Variants in MAPKBP1 observed in about 807,000 individuals in gnomAD.
The protein encoded by MAPKBP1 is mitogen-activated protein kinase binding protein 1, also known as mitogen-activated protein kinase-binding protein 1.
MAPKBP1 carries 71 observed loss-of-function variants against 170.5 expected under a neutral mutation model. That is an observed-to-expected ratio of 0.42 (90% CI 0.34 to 0.51). The LOEUF is 0.51. MAPKBP1 is among the 20% of genes least tolerant of loss of function. The pLI, the probability that MAPKBP1 is intolerant of heterozygous loss-of-function variation, is 0.06. For synonymous variants in MAPKBP1, 719 were observed against 757.9 expected (o/e 0.95, Z 0.84); for missense variants, 1,598 against 1,933.0 (o/e 0.83, Z 3.25).
chr15:41,786,088 C>T (rs1349849061), intron 2 of MAPKBP1, among the ~76,000 whole-genome samples: 5 of 151,972 alleles, frequency 3.3e-5, no homozygotes, highest in Admixed American at 6.6e-5. Context: ...GAAGAGTATA[C>T]AAGATATCTT....
At chr15:41,804,987 T>C (rs1056146236) in intron 3 of MAPKBP1, among the ~76,000 whole-genome samples, 6 of 152,342 alleles carry the variant, frequency 3.9e-5, no homozygotes, top group Admixed American at 1.3e-4. Context: ...GCTTTTCTTA[T>C]CTGATCATCC....
chr15:41,791,506 C>G (rs1222908396), intron 2 of MAPKBP1, among the ~76,000 whole-genome samples: 1 of 152,238 alleles, frequency 6.6e-6, no homozygotes, highest in African/African-American at 2.4e-5. Flanking sequence ...CACCTGGACT[C>G]GCTTCCATTG....
In MAPKBP1 at chr15:41,823,412, CA is replaced by C. The variant is rs749558872; in HGVS notation, c.3599-34del. On this transcript the variant is annotated intron_variant, in intron 28 of 30. Transcript: ENST00000457542. ...TTGGCACCTGGGATGCCTTCCTCAACACCTGACCTGTGTATACCTCTGTCTC... is the reference window on the plus strand; with the variant it reads ...TTGGCACCTGGGATGCCTTCCTCAACCCTGACCTGTGTATACCTCTGTCTC... 3 of 1,583,530 alleles carry C rather than the reference CA, an allele frequency of 1.9e-6. No individual in the cohort carries two copies. In the African/African-American group the frequency reaches 4.0e-5, roughly 21 times the overall value.
chr15:41,823,466 G>A lies in MAPKBP1; in HGVS notation c.3618G>A (p.Leu1206=), dbSNP rs1321058101. The part of the protein sequence containing the change: ...LVPQERHEAS[L]QAPSPGALLS... ...TTGCAGAAAGACATGAGGCCAGTCT[G>A]CAGGCCCCTTCACCAGGCGCACTGC... is the stretch of plus-strand genomic sequence containing the variant. The change falls in exon 29 of 31, where the codon CTG becomes CTA. Residue 1206 remains leucine, a synonymous_variant. Transcript: ENST00000457542. The A allele has an allele frequency of 1.9e-6, 3 of 1,612,896 alleles. No individual in the cohort carries two copies. The Admixed American group carries it at 5.0e-5, about 27-fold the overall frequency.
At chr15:41,780,490 G>A (rs956089902) in intron 2 of MAPKBP1, among the ~76,000 whole-genome samples, 2 of 152,156 alleles carry the variant, frequency 1.3e-5, no homozygotes, top group African/African-American at 2.4e-5. Flanking sequence ...CAGAGTATCC[G>A]TTGGTTTTAC....
intron 8 of MAPKBP1, chr15:41,813,419 T>A: frequency 6.7e-7 from 1 of 1,485,422 alleles, no homozygotes; most frequent in Non-Finnish European, 9.4e-7. Flanking sequence ...TCCTACTGGA[T>A]CCTCTGGTGC....
At chr15:41,823,406 C>T (rs1207858739) in intron 28 of MAPKBP1, 41 bp from the exon 29 acceptor site, 3 of 1,575,572 alleles carry the variant, frequency 1.9e-6, no homozygotes, top group Non-Finnish European at 2.6e-6. Flanking sequence ...GGGATGCCTT[C>T]CTCAACACCT....
At chr15:41,794,752 A>G (rs1186956889) in intron 2 of MAPKBP1, among the ~76,000 whole-genome samples, 1 of 152,230 alleles carries the variant, frequency 6.6e-6, no homozygotes, top group Non-Finnish European at 1.5e-5. Flanking sequence ...GGGGGACAGC[A>G]ACCTAGGTCC....
At chr15:41,790,434 T>G (rs2152071053) in intron 2 of MAPKBP1, among the ~76,000 whole-genome samples, 1 of 152,304 alleles carries the variant, frequency 6.6e-6, no homozygotes, top group African/African-American at 2.4e-5. Flanking sequence ...AACCTTAAGT[T>G]CTTTGGGTAC....
chr15:41,823,666 C>G lies in MAPKBP1; in HGVS notation c.3818C>G (p.Pro1273Arg), dbSNP rs2065041605. ...GLVAEPQAHA[P>R]IRVSPLSKLA... ...GTGGCTGAACCTCAAGCTCATGCCC[C>G]CATCCGAGTCTCACCACTCAGCAAG... is the stretch of plus-strand genomic sequence containing the variant. The change falls in exon 29 of 31, where the codon CCC (proline) becomes CGC (arginine). Residue 1273 changes from proline (P) to arginine (R), a missense_variant. Physicochemically the swap from Pro to Arg is moderately radical, Grantham distance 103. Around this residue, in one of 6 missense-constraint regions of MAPKBP1, gnomAD observed 942 missense variants for 953.2 expected, o/e 0.99. Coordinates refer to ENST00000457542, the MANE Select transcript of MAPKBP1 (RefSeq NM_014994.3). The G allele has an allele frequency of 6.2e-7, 1 of 1,614,070 alleles. No homozygotes were observed.
At chr15:41,783,660 A>G (rs778932363) in intron 2 of MAPKBP1, among the ~76,000 whole-genome samples, 15 of 152,300 alleles carry the variant, frequency 9.8e-5, no homozygotes, top group Middle Eastern at 3.4e-3. Flanking sequence ...CCCAAGCCAG[A>G]TGGATTGGAT....
chr15:41,823,321 G>A, intron 28 of MAPKBP1, 99 bp downstream of exon 28: 2 of 1,546,784 alleles, frequency 1.3e-6, no homozygotes, highest in Non-Finnish European at 1.7e-6. Context: ...ATGTGCCACT[G>A]TGCTGGCCAC....
Position 41,813,715 on chromosome 15 carries a change from A to G in MAPKBP1, c.914A>G (p.His305Arg). 1 of 1,613,750 alleles carries G rather than the reference A, an allele frequency of 6.2e-7. No homozygotes were observed. The highest frequency in any genetic ancestry group is 1.1e-5 in the South Asian group (1 of 91,026). ...CGCCTTTTCAACCCCTCTAACCTGC[A>G]CTTCCTTAGCACCTTGCCCCGACCC... ...TVRLFNPSNL[H>R]FLSTLPRPHA... is the part of the protein sequence containing the mutation. The change falls in exon 9 of 31, where the codon CAC (histidine) becomes CGC (arginine). Residue 305 changes from histidine (H) to arginine (R), a missense_variant. Physicochemically the swap from His to Arg is conservative, Grantham distance 29. Transcript: ENST00000457542.
chr15:41,816,463 A>G lies in MAPKBP1; in HGVS notation c.1494-96A>G, dbSNP rs906844829. On this transcript the variant is annotated intron_variant, in intron 12 of 30. Coordinates refer to ENST00000457542, the MANE Select transcript of MAPKBP1 (RefSeq NM_014994.3). ...TTTCTCTAAGCCTAAAAGTTCAAAA[A>G]AAGGAAAAAGGAGGAGAAAATGTAG... 18 of 821,258 alleles carry G rather than the reference A, an allele frequency of 2.2e-5. 1 individual carries two copies. In the Middle Eastern group the frequency reaches 1.4e-3, roughly 62 times the overall value. 50.9% of individuals were successfully genotyped at this position (821,258 alleles called of 1,614,324 possible). A position where few individuals can be genotyped will look rare whatever the true frequency, so the allele number is the denominator to read the frequency against.
intron 2 of MAPKBP1, among the ~76,000 whole-genome samples, chr15:41,781,706 T>C (rs1001656856): frequency 3.9e-5 from 6 of 152,174 alleles, no homozygotes; most frequent in African/African-American, 1.4e-4. Context: ...CTTGAAGATC[T>C]TAGAACAACC....
intron 3 of MAPKBP1, among the ~76,000 whole-genome samples, chr15:41,807,375 C>T (rs1014512900): frequency 1.3e-5 from 2 of 152,326 alleles, no homozygotes; most frequent in East Asian, 3.9e-4. Context: ...CCTTTAAAGG[C>T]TGAAATGCTG....
At chr15:41,810,543 C>CAA (rs11415317) in intron 3 of MAPKBP1, 51 of 152,608 alleles carry the variant, frequency 3.3e-4, no homozygotes, top group East Asian at 2.3e-3. Context: ...CCCGTGTCTA[C>CAA]AAAAAAAAAA....
chr15:41,793,344 G>A (rs866516606), intron 2 of MAPKBP1, among the ~76,000 whole-genome samples: 4 of 152,062 alleles, frequency 2.6e-5, no homozygotes, highest in East Asian at 1.9e-4. Context: ...AAAATTAGCC[G>A]GACGTGGTGG....
Position 41,822,117 on chromosome 15 carries a change from C to T in MAPKBP1, c.3031+7C>T. ...CCGGAGCACCCCACTGAAGGTGAGGCTGTAGCCTGGAGGGAGGGGCCATGG... is the reference window on the plus strand; with the variant it reads ...CCGGAGCACCCCACTGAAGGTGAGGTTGTAGCCTGGAGGGAGGGGCCATGG... On this transcript the variant is annotated splice_region_variant and intron_variant, in intron 25 of 30. Coordinates refer to ENST00000457542, the MANE Select transcript of MAPKBP1 (RefSeq NM_014994.3). The T allele has an allele frequency of 7.1e-7, 1 of 1,399,364 alleles. No homozygotes were observed. The highest frequency in any genetic ancestry group is 9.6e-7 in the Non-Finnish European group (1 of 1,041,846). The allele number at this position is 1,399,364 out of a possible 1,614,324, so 86.7% of individuals were successfully genotyped here.
Sources: allele counts gnomAD v4.1 joint callset (sites outside exome capture counted in the v4.1 genomes callset), GRCh38; gene constraint gnomAD v4.1.1; regional missense constraint gnomAD v4.1.1; transcripts MANE v1.5; gene names NCBI Gene and HGNC (gene_info 2026-07-23, HGNC 2026-07-21).